The following NBEA variants were observed in gnomAD, a reference collection of about 807,000 sequenced individuals.
NBEA encodes the protein neurobeachin.
A neutral mutation model predicts 343.4 loss-of-function variants in NBEA; 44 were observed. The observed-to-expected ratio is 0.13, with a 90% CI of 0.10 to 0.16. NBEA has a LOEUF of 0.16. Ranked by LOEUF, NBEA falls within the 10% of genes least tolerant of loss-of-function variation. The pLI is 1.00. For missense variants in NBEA, 2,555 were observed against 3,631.3 expected (o/e 0.70, Z 7.62); for synonymous variants, 1,175 against 1,238.7 (o/e 0.95, Z 1.08).
Position 35,606,568 on chromosome 13 carries a change from T to C in NBEA, c.7439T>C (p.Ile2480Thr). Residue 2480 changes from isoleucine (I) to threonine (T), a missense_variant, in exon 48 of 59, where the codon ATC becomes ACC. By Grantham distance (89) the Ile-to-Thr change is moderately conservative (BLOSUM62 -1). Around this residue, in one of 21 missense-constraint regions of NBEA, gnomAD observed 156 missense variants for 185.8 expected, o/e 0.84. Transcript: ENST00000379939. Reference sequence around the variant, plus strand: ...AAAAAACCTGAAGACTTTGTGCGGATCAACAGGATGGTAAGAGAGATTTTG... The same window carrying C: ...AAAAAACCTGAAGACTTTGTGCGGACCAACAGGATGGTAAGAGAGATTTTG... The part of the protein sequence containing the change: ...WAKKPEDFVR[I>T]NRMALESEFV... 6.2e-7 allele frequency: 1 copy of C among 1,601,210 alleles called. No homozygotes were observed. The highest frequency in any genetic ancestry group is 8.5e-7 in the Non-Finnish European group (1 of 1,171,916).
At chr13:34,949,274 A>G (rs535429873) in intron 1 of NBEA, among the ~76,000 whole-genome samples, 1 of 152,326 alleles carries the variant, frequency 6.6e-6, no homozygotes, top group Admixed American at 6.5e-5. Context: ...GGGAAGGCCT[A>G]TTGCTATGAG....
intron 41 of NBEA, among the ~76,000 whole-genome samples, chr13:35,533,645 G>A (rs1322586982): frequency 3.3e-5 from 5 of 152,110 alleles, no homozygotes; most frequent in Admixed American, 1.3e-4. Flanking sequence ...TTATAATACA[G>A]TTAGCTAAAT....
At chr13:35,177,156 A>G in intron 28 of NBEA, 53 bp downstream of exon 28, 2 of 1,347,376 alleles carry the variant, frequency 1.5e-6, no homozygotes, top group South Asian at 1.3e-5. Context: ...TGTCATTCGT[A>G]TGAAATACGT....
intron 17 of NBEA, among the ~76,000 whole-genome samples, chr13:35,127,122 G>A (rs2067175926): frequency 6.6e-6 from 1 of 151,998 alleles, no homozygotes; most frequent in South Asian, 2.1e-4. Context: ...GTGCATTACT[G>A]GACTTAAATA....
At chr13:35,101,696 T>C (rs1001671201) in intron 11 of NBEA, among the ~76,000 whole-genome samples, 3 of 151,828 alleles carry the variant, frequency 2.0e-5, no homozygotes, top group Non-Finnish European at 3.0e-5. Context: ...GTTGAACATA[T>C]ATTTATTTTC....
intron 1 of NBEA, among the ~76,000 whole-genome samples, chr13:34,994,413 A>G (rs1463866233): frequency 6.6e-6 from 1 of 152,104 alleles, no homozygotes; most frequent in Non-Finnish European, 1.5e-5. Context: ...AAGGAAAAAC[A>G]TATTGACAGT....
At chr13:35,605,300 C>A (rs1044389144) in intron 47 of NBEA, among the ~76,000 whole-genome samples, 6 of 152,086 alleles carry the variant, frequency 3.9e-5, no homozygotes. Context: ...CAGAGTGTTA[C>A]TAAAATGAAT....
At chr13:35,256,585 C>A (rs1195299858) in intron 34 of NBEA, among the ~76,000 whole-genome samples, 1 of 152,144 alleles carries the variant, frequency 6.6e-6, no homozygotes, top group South Asian at 2.1e-4. Flanking sequence ...ATCCATGGCA[C>A]CCAGGCTGTT....
chr13:35,123,423 A>C (rs1381800076), intron 16 of NBEA, 59 bp from the exon 17 acceptor site: 8 of 840,732 alleles, frequency 9.5e-6, no homozygotes. Flanking sequence ...TAAAGCATGT[A>C]GTGTGTTTTT....
intron 33 of NBEA, among the ~76,000 whole-genome samples, chr13:35,229,840 A>C (rs1016114415): frequency 6.6e-6 from 1 of 152,156 alleles, no homozygotes; most frequent in African/African-American, 2.4e-5. Context: ...AGCATTTACA[A>C]CCTTCTTTGG....
chr13:35,517,493 T>A (rs2077529038), intron 41 of NBEA, among the ~76,000 whole-genome samples: 1 of 152,212 alleles, frequency 6.6e-6, no homozygotes, highest in East Asian at 1.9e-4. Flanking sequence ...TTTTAAAAGA[T>A]GTCGTGATTC....
intron 56 of NBEA, among the ~76,000 whole-genome samples, chr13:35,665,658 C>G (rs2085316721): frequency 6.6e-6 from 1 of 152,104 alleles, no homozygotes; most frequent in African/African-American, 2.4e-5. Context: ...CATACCTTCA[C>G]TCTTGTCACG....
At chr13:35,100,290 T>C (rs2065578141) in intron 11 of NBEA, among the ~76,000 whole-genome samples, 2 of 152,078 alleles carry the variant, frequency 1.3e-5, no homozygotes, top group African/African-American at 4.8e-5. Context: ...GACCTTTCTT[T>C]AAGGATTAAT....
At chr13:35,287,794 G>C (rs1283215702) in intron 34 of NBEA, among the ~76,000 whole-genome samples, 2 of 151,912 alleles carry the variant, frequency 1.3e-5, no homozygotes. Flanking sequence ...CTGAATTTGG[G>C]ACCCAGTTCC....
intron 38 of NBEA, among the ~76,000 whole-genome samples, chr13:35,388,236 T>C (rs189552222): frequency 2.0e-5 from 3 of 152,288 alleles, no homozygotes; most frequent in Admixed American, 2.0e-4. Flanking sequence ...GGAATAATTA[T>C]GTAAAGAAAT....
intron 31 of NBEA, among the ~76,000 whole-genome samples, chr13:35,200,652 A>C (rs2072958161): frequency 6.6e-6 from 1 of 151,872 alleles, no homozygotes; most frequent in Admixed American, 6.6e-5. Flanking sequence ...ACTGGGTTTG[A>C]TATATTCAGG....
At chr13:35,098,223 A>G (rs2065438886) in intron 10 of NBEA, 74 bp from the exon 11 acceptor site, 1 of 1,038,998 alleles carries the variant, frequency 9.6e-7, no homozygotes. Flanking sequence ...TTGGCATAAT[A>G]AAATACTGAA....
intron 11 of NBEA, among the ~76,000 whole-genome samples, chr13:35,105,483 G>A (rs2065875171): frequency 6.6e-6 from 1 of 151,996 alleles, no homozygotes; most frequent in Non-Finnish European, 1.5e-5. Context: ...ACTCTTTGAG[G>A]TCACAAGGCT....
chr13:35,299,162 T>C (rs746157795), intron 35 of NBEA, among the ~76,000 whole-genome samples: 3 of 152,144 alleles, frequency 2.0e-5, no homozygotes, highest in Non-Finnish European at 4.4e-5. Context: ...CAGATAATGA[T>C]AAATAGATAT....
Sources: gnomAD v4.1 joint callset for allele counts (sites outside exome capture counted in the v4.1 genomes callset) on GRCh38, gnomAD v4.1.1 for gene constraint, gnomAD v4.1.1 regional missense constraint, MANE v1.5 for transcripts, NCBI Gene and HGNC (gene_info 2026-07-23, HGNC 2026-07-21) for gene names.